WWOX: variants seen among roughly 807,000 people sequenced by gnomAD.
WWOX encodes the protein WW domain-containing oxidoreductase.
In WWOX, 69 loss-of-function variants were observed where a neutral mutation model predicts 46.2. The ratio of observed to expected loss-of-function variants is 1.49; its 90% confidence interval spans 1.23 to 1.82. The LOEUF is 1.82. Among genes scored for constraint, WWOX ranks in the 40% most tolerant of loss-of-function variants. The pLI, the probability that WWOX is intolerant of heterozygous loss-of-function variation, is 0.00. For missense variants in WWOX, 919 were observed against 542.6 expected, an observed-to-expected ratio of 1.69 and a Z score of -6.89; for synonymous variants, 359 against 202.6, an observed-to-expected ratio of 1.77 and a Z score of -6.56.
At chr16:78,950,533 TACACACACACACACACACAC>T (rs141591649) in intron 8 of WWOX, among the ~76,000 whole-genome samples, 1 of 146,960 alleles carries the variant, frequency 6.8e-6, no homozygotes, top group East Asian at 2.0e-4. Flanking sequence ...CACACACACA[TACACACACACACACACACAC>T]ACACACACAC....
At chr16:78,592,072 G>C (rs1259763276) in intron 8 of WWOX, among the ~76,000 whole-genome samples, 8 of 152,106 alleles carry the variant, frequency 5.3e-5, no homozygotes, top group African/African-American at 1.2e-4. Flanking sequence ...AGGTCAATAC[G>C]TGTGGATATT....
chr16:78,381,801 A>G (rs1371241446), intron 5 of WWOX, among the ~76,000 whole-genome samples: 1 of 152,136 alleles, frequency 6.6e-6, no homozygotes, highest in Non-Finnish European at 1.5e-5. Flanking sequence ...ATGGATAGAC[A>G]TATAGGTAGG....
chr16:78,297,100 G>A (rs564136639), intron 5 of WWOX, among the ~76,000 whole-genome samples: 1 of 152,170 alleles, frequency 6.6e-6, no homozygotes, highest in African/African-American at 2.4e-5. Flanking sequence ...TAGCCCTGGA[G>A]TGAGGTGGCT....
intron 5 of WWOX, among the ~76,000 whole-genome samples, chr16:78,353,907 C>T (rs547331014): frequency 1.3e-5 from 2 of 152,328 alleles, no homozygotes; most frequent in South Asian, 4.1e-4. Flanking sequence ...TGGGTGATGG[C>T]TTCTTCTGTT....
chr16:78,185,424 A>G (rs1399350579), intron 5 of WWOX, among the ~76,000 whole-genome samples: 1 of 152,114 alleles, frequency 6.6e-6, no homozygotes, highest in African/African-American at 2.4e-5. Flanking sequence ...CCCCAAGAAT[A>G]CACCACAGTG....
At chr16:79,052,690 A>C (rs1257527190) in intron 8 of WWOX, among the ~76,000 whole-genome samples, 1 of 152,186 alleles carries the variant, frequency 6.6e-6, no homozygotes, top group Non-Finnish European at 1.5e-5. Flanking sequence ...GTCAGGTTAT[A>C]AATGAGCCTG....
At chr16:79,171,339 G>C (rs926112985) in intron 8 of WWOX, among the ~76,000 whole-genome samples, 7 of 152,186 alleles carry the variant, frequency 4.6e-5, no homozygotes, top group Admixed American at 3.3e-4. Flanking sequence ...TAATAGTGTA[G>C]CACTATAGTT....
chr16:78,386,832 C>A (rs779503964), intron 5 of WWOX, 28 bp from the exon 6 acceptor site: 2 of 1,590,786 alleles, frequency 1.3e-6, no homozygotes, highest in South Asian at 2.2e-5. Context: ...TGTTATTTAT[C>A]ATTTCTTTTT....
chr16:78,452,475 C>CT (rs397945707), intron 8 of WWOX, among the ~76,000 whole-genome samples: 9,829 of 126,000 alleles, frequency 0.078, 650 homozygotes, highest in African/African-American at 0.15. Context: ...CTCTCTCTCT[C>CT]TTTTTTTTTT....
At chr16:78,999,063 G>A (rs1277548799) in intron 8 of WWOX, among the ~76,000 whole-genome samples, 5 of 152,086 alleles carry the variant, frequency 3.3e-5, no homozygotes, top group African/African-American at 1.2e-4. Context: ...GAAATATTCC[G>A]GACGTGGAAA....
chr16:78,161,777 C>G (rs879264894), intron 4 of WWOX, among the ~76,000 whole-genome samples: 2 of 152,086 alleles, frequency 1.3e-5, no homozygotes, highest in Admixed American at 1.3e-4. Context: ...TGCTTTTCTT[C>G]TCCATTAGCT....
At chr16:79,011,459 TTTTATTTATTTATTTATTTA>T (rs56691445) in intron 8 of WWOX, among the ~76,000 whole-genome samples, 14 of 132,010 alleles carry the variant, frequency 1.1e-4, no homozygotes, top group Admixed American at 3.1e-4. Flanking sequence ...TTATTTTTTA[TTTTATTTATTTATTTATTTA>T]TTTATTTATT....
chr16:78,335,062 C>T (rs1221738567), intron 5 of WWOX, among the ~76,000 whole-genome samples: 2 of 152,148 alleles, frequency 1.3e-5, no homozygotes, highest in African/African-American at 4.8e-5. Context: ...CATAGAAATT[C>T]TTGGGCTTTA....
At chr16:78,709,499 G>C (rs560825504) in intron 8 of WWOX, among the ~76,000 whole-genome samples, 1 of 152,234 alleles carries the variant, frequency 6.6e-6, no homozygotes, top group African/African-American at 2.4e-5. Flanking sequence ...CTCTGACACA[G>C]GCCCTCTCAA....
intron 8 of WWOX, among the ~76,000 whole-genome samples, chr16:79,122,549 C>A (rs2049659568): frequency 6.6e-6 from 1 of 150,408 alleles, no homozygotes; most frequent in Admixed American, 6.6e-5. Flanking sequence ...CCTTTTTGTC[C>A]CTTCCTTCCC....
intron 1 of WWOX, chr16:78,100,309 G>C (rs192334178): frequency 9.0e-6 from 9 of 994,952 alleles, no homozygotes; most frequent in Non-Finnish European, 8.6e-6. Flanking sequence ...CTGGAGTGCA[G>C]GGGTGCCATC....
At chr16:78,310,256 C>T (rs2151874031) in intron 5 of WWOX, among the ~76,000 whole-genome samples, 1 of 152,258 alleles carries the variant, frequency 6.6e-6, no homozygotes, top group East Asian at 1.9e-4. Context: ...TGAAATTTCA[C>T]CTCTATTGTA....
chr16:78,150,244 A>G (rs1335658245), intron 4 of WWOX, among the ~76,000 whole-genome samples: 1 of 152,216 alleles, frequency 6.6e-6, no homozygotes, highest in African/African-American at 2.4e-5. Flanking sequence ...AAGAGTACAG[A>G]TGAAGCGGTA....
intron 5 of WWOX, among the ~76,000 whole-genome samples, chr16:78,306,232 C>T (rs1395321794): frequency 2.0e-5 from 3 of 152,042 alleles, no homozygotes; most frequent in African/African-American, 4.8e-5. Context: ...ATTTGGGAAC[C>T]GCATTTATGG....
Sources: gnomAD v4.1 joint callset for allele counts (sites outside exome capture counted in the v4.1 genomes callset) on GRCh38, gnomAD v4.1.1 for gene constraint, MANE v1.5 for transcripts, NCBI Gene and HGNC (gene_info 2026-07-23, HGNC 2026-07-21) for gene names.